Variants in ADCY8 observed in about 807,000 individuals in gnomAD.
The protein encoded by ADCY8 is adenylate cyclase 8, also known as adenylate cyclase type 8.
ADCY8 carries 51 observed loss-of-function variants against 119.7 expected under a neutral mutation model. The observed-to-expected ratio is 0.43, with a 90% CI of 0.34 to 0.54. The LOEUF (loss-of-function observed/expected upper bound fraction) is 0.54. Ranked by LOEUF, ADCY8 falls within the 20% of genes least tolerant of loss-of-function variation. ADCY8 has a pLI of 0.03. For missense variants in ADCY8, 1,383 were observed against 1,598.8 expected, an observed-to-expected ratio of 0.87 and a Z score of 2.30; for synonymous variants, 665 against 651.0, an observed-to-expected ratio of 1.02 and a Z score of -0.33.
chr8:130,898,828 T>C (rs532754124), intron 7 of ADCY8, among the ~76,000 whole-genome samples: 1 of 152,316 alleles, frequency 6.6e-6, no homozygotes, highest in East Asian at 1.9e-4. Flanking sequence ...AAATCTGAAG[T>C]CTAAGACGGA....
chr8:131,005,370 G>A (rs1823082969), intron 1 of ADCY8, among the ~76,000 whole-genome samples: 1 of 152,234 alleles, frequency 6.6e-6, no homozygotes, highest in Admixed American at 6.5e-5. Flanking sequence ...GCACTGGGCA[G>A]AGACTATGAA....
intron 7 of ADCY8, among the ~76,000 whole-genome samples, chr8:130,894,938 CA>C (rs1399859937): frequency 2.6e-5 from 4 of 152,040 alleles, no homozygotes; most frequent in African/African-American, 9.7e-5. Flanking sequence ...TGCGCTGTGT[CA>C]AACAATAAAA....
chr8:130,986,510 G>A (rs111946282), intron 2 of ADCY8, among the ~76,000 whole-genome samples: 1,880 of 152,272 alleles, frequency 0.012, 46 homozygotes, highest in African/African-American at 0.043. Flanking sequence ...AATAAAGTGG[G>A]ATGCATTCTT....
intron 2 of ADCY8, among the ~76,000 whole-genome samples, chr8:130,981,079 A>C (rs1822226015): frequency 1.3e-5 from 2 of 152,232 alleles, no homozygotes; most frequent in Non-Finnish European, 2.9e-5. Flanking sequence ...TCTATGAAAA[A>C]TGAGTTGAAT....
At position 130,884,671 on chromosome 8, in the gene ADCY8, T is replaced by A. The variant is rs746635373; in HGVS notation, c.2002A>T (p.Asn668Tyr). 6.2e-7 allele frequency: 1 copy of A among 1,613,940 alleles called. No individual in the cohort carries two copies. The highest frequency in any genetic ancestry group is 8.5e-7 in the Non-Finnish European group (1 of 1,179,862). Residue 668 changes from asparagine (N) to tyrosine (Y), a missense_variant, in exon 8 of 18, where the codon AAC becomes TAC. Around this residue, in one of 2 missense-constraint regions of ADCY8, gnomAD observed 928 missense variants for 1,163.5 expected, o/e 0.80. Transcript: ENST00000286355. ...LHVQSGPEEI[N>Y]KRIEHTIDLR... Reference sequence around the variant, plus strand: ...TCGATGGTATGTTCTATTCTCTTGTTAATTTCCTCAGGCCCAGACTGGACA... The same window carrying A: ...TCGATGGTATGTTCTATTCTCTTGTAAATTTCCTCAGGCCCAGACTGGACA...
At chr8:130,966,460 GA>G (rs903090706) in intron 2 of ADCY8, among the ~76,000 whole-genome samples, 11 of 152,122 alleles carry the variant, frequency 7.2e-5, no homozygotes, top group Admixed American at 1.3e-4. Context: ...GGAAGTCCCA[GA>G]AAAATGAAGG....
intron 5 of ADCY8, among the ~76,000 whole-genome samples, chr8:130,932,025 C>G (rs999005999): frequency 6.6e-5 from 10 of 152,082 alleles, no homozygotes; most frequent in Non-Finnish European, 1.5e-4. Flanking sequence ...ATCATTGTGC[C>G]TCAATCCCTG....
At chr8:130,781,974 C>T (rs927795036) in intron 17 of ADCY8, among the ~76,000 whole-genome samples, 1 of 152,030 alleles carries the variant, frequency 6.6e-6, no homozygotes, top group Non-Finnish European at 1.5e-5. Context: ...TTACCTTCTA[C>T]TGGGGAGAGA....
At chr8:130,818,652 G>T (rs1012045971) in intron 13 of ADCY8, among the ~76,000 whole-genome samples, 1 of 152,200 alleles carries the variant, frequency 6.6e-6, no homozygotes, top group African/African-American at 2.4e-5. Flanking sequence ...AAAATAGAGG[G>T]CCTCTGAGTC....
At chr8:130,952,365 A>C (rs1294196276) in intron 2 of ADCY8, among the ~76,000 whole-genome samples, 2 of 152,264 alleles carry the variant, frequency 1.3e-5, no homozygotes, top group Non-Finnish European at 2.9e-5. Flanking sequence ...ACAGCGATGC[A>C]TATCAGGGAT....
chr8:130,904,131 G>C (rs1819703386), intron 6 of ADCY8, 89 bp from the exon 7 acceptor site: 1 of 1,168,142 alleles, frequency 8.6e-7, no homozygotes, highest in African/African-American at 1.5e-5. Context: ...CAACACCAGG[G>C]TTACACAAGG....
At chr8:130,866,694 A>G (rs1476886991) in intron 9 of ADCY8, among the ~76,000 whole-genome samples, 1 of 152,164 alleles carries the variant, frequency 6.6e-6, no homozygotes, top group Non-Finnish European at 1.5e-5. Context: ...TTTGATGCAA[A>G]GCAGTCTAGT....
At chr8:130,889,353 T>C (rs1819102200) in intron 7 of ADCY8, among the ~76,000 whole-genome samples, 1 of 152,158 alleles carries the variant, frequency 6.6e-6, no homozygotes, top group South Asian at 2.1e-4. Flanking sequence ...AATGAAAAAT[T>C]TCTTATATCT....
intron 9 of ADCY8, among the ~76,000 whole-genome samples, chr8:130,859,266 T>C (rs1245363983): frequency 1.3e-5 from 2 of 152,218 alleles, no homozygotes; most frequent in Non-Finnish European, 2.9e-5. Flanking sequence ...CATATGGATG[T>C]CTCCAACTCT....
At chr8:130,806,735 C>T (rs998041715) in intron 14 of ADCY8, among the ~76,000 whole-genome samples, 2 of 152,166 alleles carry the variant, frequency 1.3e-5, no homozygotes, top group Non-Finnish European at 2.9e-5. Context: ...CCTCACTTCC[C>T]CTCATCTCTT....
At chr8:130,816,910 A>C (rs536298257) in intron 13 of ADCY8, among the ~76,000 whole-genome samples, 1 of 152,192 alleles carries the variant, frequency 6.6e-6, no homozygotes, top group Non-Finnish European at 1.5e-5. Flanking sequence ...TATTTTACTT[A>C]TTAAACTAAA....
chr8:130,957,144 C>A (rs1244888092), intron 2 of ADCY8, among the ~76,000 whole-genome samples: 1 of 152,076 alleles, frequency 6.6e-6, no homozygotes, highest in Admixed American at 6.5e-5. Flanking sequence ...TTTGGAACTC[C>A]CTAGAGACTT....
chr8:130,810,611 A>G (rs1816134790), intron 14 of ADCY8, among the ~76,000 whole-genome samples: 1 of 152,192 alleles, frequency 6.6e-6, no homozygotes, highest in South Asian at 2.1e-4. Flanking sequence ...TCAATTGCCT[A>G]TTTCAGTATC....
chr8:130,792,660 G>T (rs1465406878), intron 15 of ADCY8, among the ~76,000 whole-genome samples: 2 of 152,136 alleles, frequency 1.3e-5, no homozygotes, highest in African/African-American at 4.8e-5. Flanking sequence ...TTCTGACCCT[G>T]TCTCATCACC....
Sources: gnomAD v4.1 joint callset for allele counts (sites outside exome capture counted in the v4.1 genomes callset) on GRCh38, gnomAD v4.1.1 for gene constraint, gnomAD v4.1.1 regional missense constraint, MANE v1.5 for transcripts, NCBI Gene and HGNC (gene_info 2026-07-23, HGNC 2026-07-21) for gene names.